ABCB7: variants seen among roughly 807,000 people sequenced by gnomAD.
The protein encoded by ABCB7 is iron-sulfur clusters transporter ABCB7, mitochondrial.
A neutral mutation model predicts 54.4 loss-of-function variants in ABCB7; 7 were observed. That is an observed-to-expected ratio of 0.13 (90% CI 0.07 to 0.24). ABCB7 has a LOEUF of 0.24. Among genes scored for constraint, ABCB7 ranks in the 10% least tolerant of loss-of-function variants. ABCB7 has a pLI of 1.00. For missense variants in ABCB7, 356 were observed against 570.4 expected, an observed-to-expected ratio of 0.62 and a Z score of 3.83; for synonymous variants, 218 against 207.1, an observed-to-expected ratio of 1.05 and a Z score of -0.45.
At chrX:75,069,707 TA>T (rs2081349163) in intron 10 of ABCB7, among the ~76,000 whole-genome samples, 1 of 109,220 alleles carries the variant, frequency 9.2e-6, no homozygotes, top group Non-Finnish European at 1.9e-5. Flanking sequence ...GGAGAAGGGA[TA>T]ATGGGCAGGG....
intron 4 of ABCB7, 84 bp downstream of exon 4, chrX:75,098,858 G>C: frequency 1.7e-6 from 2 of 1,172,771 alleles, no homozygotes; most frequent in Non-Finnish European, 2.3e-6. Flanking sequence ...TACCCCAAAA[G>C]TGATTTACAC....
At chrX:75,099,650 C>T (rs771086181) in intron 3 of ABCB7, among the ~76,000 whole-genome samples, 1 of 110,684 alleles carries the variant, frequency 9.0e-6, no homozygotes, top group Non-Finnish European at 1.9e-5. Context: ...TTTCTTTGTA[C>T]CATGTTCCTG....
chrX:75,082,218 G>A (rs781165516), intron 4 of ABCB7, among the ~76,000 whole-genome samples: 3 of 111,550 alleles, frequency 2.7e-5, no homozygotes, highest in African/African-American at 9.8e-5. Context: ...ATAAAAACAC[G>A]TTATGTATAA....
intron 15 of ABCB7, among the ~76,000 whole-genome samples, chrX:75,059,949 T>C (rs908045005): frequency 3.0e-4 from 34 of 112,014 alleles, no homozygotes; most frequent in Non-Finnish European, 5.6e-5. Flanking sequence ...AGTTATTTTA[T>C]ATATGCACCA....
At chrX:75,061,562 T>C (rs1204094853) in intron 14 of ABCB7, among the ~76,000 whole-genome samples, 2 of 111,653 alleles carry the variant, frequency 1.8e-5, no homozygotes, top group Non-Finnish European at 3.8e-5. Context: ...TATGAAAATA[T>C]TATGTCACAC....
chrX:75,073,944 C>T lies in ABCB7; in HGVS notation c.868G>A (p.Gly290Ser), dbSNP rs1133577. 51 of 1,203,823 alleles carry T rather than the reference C, an allele frequency of 4.2e-5. No homozygotes were observed. Among genetic ancestry groups the T allele is most frequent in the Non-Finnish European group, 5.4e-5 (48 of 889,720 alleles). Residue 290 changes from glycine to serine, a missense_variant, in exon 7 of 16, where the codon GGT becomes AGT. Transcript: ENST00000373394. ...LVSGVLYYKC[G>S]AQFALVTLGT... ...AGGGTTACCAAAGCAAACTGGGCAC[C>T]GCATTTGTAATACTAGAAAAGGAAG...
chrX:75,056,068 C>T (rs2081237654), intron 15 of ABCB7, among the ~76,000 whole-genome samples: 1 of 111,472 alleles, frequency 9.0e-6, no homozygotes, highest in African/African-American at 3.3e-5. Flanking sequence ...TCAATTTGCT[C>T]CATTACTGAT....
At chrX:75,150,974 C>T (rs766502880) in intron 1 of ABCB7, among the ~76,000 whole-genome samples, 18 of 111,023 alleles carry the variant, frequency 1.6e-4, no homozygotes, top group African/African-American at 5.2e-4. Flanking sequence ...TAGAAACCCA[C>T]CAGCCAGCAA....
At chrX:75,058,104 T>C (rs1384753116) in intron 15 of ABCB7, among the ~76,000 whole-genome samples, 2 of 111,677 alleles carry the variant, frequency 1.8e-5, no homozygotes, top group African/African-American at 6.5e-5. Flanking sequence ...TATGTAGTCT[T>C]ACACTTAATT....
intron 4 of ABCB7, among the ~76,000 whole-genome samples, chrX:75,090,253 G>C (rs1314889144): frequency 9.3e-6 from 1 of 107,256 alleles, no homozygotes; most frequent in African/African-American, 3.4e-5. Context: ...GACACCCTGG[G>C]CCATAAAACA....
intron 15 of ABCB7, among the ~76,000 whole-genome samples, chrX:75,057,880 G>C (rs977929462): frequency 9.0e-6 from 1 of 110,544 alleles, no homozygotes; most frequent in Non-Finnish European, 1.9e-5. Flanking sequence ...AAAGTTCTTG[G>C]AGCCAGTGGC....
intron 12 of ABCB7, among the ~76,000 whole-genome samples, chrX:75,067,805 T>A (rs919079768): frequency 9.0e-6 from 1 of 111,013 alleles, no homozygotes; most frequent in African/African-American, 3.3e-5. Flanking sequence ...TTACTTAACA[T>A]ACAATCTATG....
chrX:75,092,438 C>A (rs1190615942), intron 4 of ABCB7, among the ~76,000 whole-genome samples: 1 of 111,307 alleles, frequency 9.0e-6, no homozygotes, highest in African/African-American at 3.3e-5. Context: ...CTAAATAGAT[C>A]ATAGACCAAA....
In ABCB7 at chrX:75,115,141, G is replaced by A. The variant is rs1235201275; in HGVS notation, c.169-310C>T. ...AAATTAGCTGGGCGTGGTGGCGTGC[G>A]CCTGTAGTCCCAGTTACTCAGGAGG... is the stretch of plus-strand genomic sequence containing the variant. On this transcript the variant is annotated intron_variant, in intron 1 of 15. Transcript: ENST00000373394. 1.8e-4 allele frequency among the ~76,000 whole-genome samples: 19 copies of A among 106,858 alleles called. No individual in the cohort carries two copies. The South Asian group carries it at 2.5e-3, about 14-fold the overall frequency. The allele number at this position is 106,858 out of a possible 115,157, so 92.8% of individuals were successfully genotyped here.
intron 1 of ABCB7, among the ~76,000 whole-genome samples, chrX:75,120,114 G>A (rs1365433642): frequency 3.6e-5 from 4 of 111,961 alleles, no homozygotes; most frequent in African/African-American, 1.3e-4. Context: ...TGCTTAAAAT[G>A]CTGCTGATCC....
intron 6 of ABCB7, 105 bp from the exon 7 acceptor site, chrX:75,074,061 A>G (rs1346998279): frequency 1.5e-6 from 1 of 668,284 alleles, no homozygotes; most frequent in Non-Finnish European, 2.4e-6. Context: ...TAACAAAAAT[A>G]TGGTGGCGTG....
intron 4 of ABCB7, among the ~76,000 whole-genome samples, chrX:75,081,099 A>T (rs2081451785): frequency 8.9e-6 from 1 of 111,968 alleles, no homozygotes; most frequent in South Asian, 3.7e-4. Context: ...AGGCCTGCTA[A>T]ACAGAAGATT....
At position 75,069,002 on chromosome X, in the gene ABCB7, A is replaced by T. The variant is rs994888193; in HGVS notation, c.1659+5T>A. ...AAAAATTTGTTTTTTTCTGTTTTTA[A>T]ATACCTGAGGTACCACTCCCACTGC... On this transcript the variant is annotated splice_donor_5th_base_variant and intron_variant, in intron 12 of 15. Transcript: ENST00000373394. 1.7e-6 allele frequency: 2 copies of T among 1,208,666 alleles called. No individual in the cohort carries two copies. The highest frequency in any genetic ancestry group is 3.5e-5 in the African/African-American group (2 of 56,987).
At chrX:75,065,441 C>T (rs778848570) in intron 12 of ABCB7, among the ~76,000 whole-genome samples, 200 bp from the exon 13 acceptor site, 1 of 111,233 alleles carries the variant, frequency 9.0e-6, no homozygotes, top group South Asian at 3.8e-4. Context: ...TGCATCATTC[C>T]AGACTTCTTC....
Sources: gnomAD v4.1 joint callset for allele counts (sites outside exome capture counted in the v4.1 genomes callset) on GRCh38, gnomAD v4.1.1 for gene constraint, MANE v1.5 for transcripts, NCBI Gene and HGNC (gene_info 2026-07-23, HGNC 2026-07-21) for gene names.